SHANK2: variants seen among roughly 807,000 people sequenced by gnomAD.
The protein encoded by SHANK2 is SH3 and multiple ankyrin repeat domains 2, also known as SH3 and multiple ankyrin repeat domains protein 2.
In SHANK2, 43 loss-of-function variants were observed where a neutral mutation model predicts 133.7. The ratio of observed to expected loss-of-function variants is 0.32; its 90% CI spans 0.25 to 0.41. The LOEUF is 0.41. SHANK2 is among the 10% of genes least tolerant of loss of function. The pLI, the probability that SHANK2 is intolerant of heterozygous loss-of-function variation, is 1.00. For synonymous variants in SHANK2, 1,017 were observed against 952.8 expected (o/e 1.07, Z -1.24); for missense variants, 1,994 against 2,235.8 (o/e 0.89, Z 2.18).
At chr11:70,798,368 C>T (rs782119699) in intron 14 of SHANK2, 75 bp downstream of exon 14, 94 of 705,242 alleles carry the variant, frequency 1.3e-4, no homozygotes, top group Middle Eastern at 1.2e-3. Flanking sequence ...CGAATCTTGC[C>T]ACGGACAACA....
chr11:70,747,782 CATGT>C (rs1946671379), intron 14 of SHANK2, among the ~76,000 whole-genome samples: 2 of 152,286 alleles, frequency 1.3e-5, no homozygotes, highest in South Asian at 4.1e-4. Context: ...CCACATGGTA[CATGT>C]ATGTGCAGTG....
Position 70,697,426 on chromosome 11 carries a change from C to T in SHANK2, c.1853+1262G>A, listed in dbSNP as rs532559800. Among the ~76,000 whole-genome samples the T allele has an allele frequency of 3.9e-5, 6 of 152,196 alleles. No homozygotes were observed. The South Asian group carries it at 6.2e-4, about 16-fold the overall frequency. On this transcript the variant is annotated intron_variant, in intron 15 of 25. Coordinates refer to ENST00000601538, the MANE Select transcript of SHANK2 (RefSeq NM_012309.5). ...CACGTAGCGGCTGATTCCATCTACG[C>T]GCAGCACCGAGGCAGGCAGAGCCCA...
chr11:71,102,655 T>C (rs1951734881), intron 6 of SHANK2, among the ~76,000 whole-genome samples: 1 of 152,194 alleles, frequency 6.6e-6, no homozygotes, highest in Admixed American at 6.5e-5. Context: ...AAAGTGGGAA[T>C]GTGAACAGCT....
At chr11:70,815,175 A>AACAC (rs61610592) in intron 12 of SHANK2, among the ~76,000 whole-genome samples, 1,491 of 119,632 alleles carry the variant, frequency 0.012, 20 homozygotes, top group East Asian at 0.021. Context: ...TGGGAGAAGA[A>AACAC]ACACACACAC....
intron 3 of SHANK2, among the ~76,000 whole-genome samples, chr11:71,121,307 A>C (rs1952079432): frequency 6.6e-6 from 1 of 152,220 alleles, no homozygotes; most frequent in Admixed American, 6.5e-5. Context: ...GCCCCTCTAA[A>C]TAAATGTTGA....
At chr11:70,641,411 G>A (rs1023425869) in intron 17 of SHANK2, among the ~76,000 whole-genome samples, 5 of 152,088 alleles carry the variant, frequency 3.3e-5, no homozygotes, top group Admixed American at 1.3e-4. Flanking sequence ...TTTCTTAAAC[G>A]TGCTTTAGCT....
At chr11:71,104,123 GA>G (rs1165956616) in intron 6 of SHANK2, among the ~76,000 whole-genome samples, 12 of 152,178 alleles carry the variant, frequency 7.9e-5, no homozygotes, top group Admixed American at 7.9e-4. Flanking sequence ...ACAGCAATGT[GA>G]AAATGGCCTA....
intron 17 of SHANK2, among the ~76,000 whole-genome samples, chr11:70,584,098 T>C (rs2060218234): frequency 1.3e-5 from 2 of 152,200 alleles, no homozygotes; most frequent in African/African-American, 2.4e-5. Context: ...TGGCTGCCTG[T>C]GACTCGGGTC....
intron 14 of SHANK2, among the ~76,000 whole-genome samples, chr11:70,787,560 TCACCATGACCAC>T (rs1555046952): frequency 1.5e-5 from 2 of 134,248 alleles, no homozygotes; most frequent in African/African-American, 5.7e-5. Context: ...ACCATGACCA[TCACCATGACCAC>T]CACCACCAGC....
chr11:70,661,067 G>A (rs2061480736), intron 16 of SHANK2, among the ~76,000 whole-genome samples: 1 of 152,238 alleles, frequency 6.6e-6, no homozygotes, highest in South Asian at 2.1e-4. Context: ...GTCCACGGCA[G>A]AGGGGACCAT....
At chr11:71,128,861 T>C (rs782711658) in intron 3 of SHANK2, among the ~76,000 whole-genome samples, 8 of 152,206 alleles carry the variant, frequency 5.3e-5, no homozygotes, top group South Asian at 2.1e-4. Flanking sequence ...CTCAGCTCAC[T>C]GCAACCTCCA....
At chr11:70,810,244 G>GCCA (rs1948250505) in intron 12 of SHANK2, among the ~76,000 whole-genome samples, 1 of 152,220 alleles carries the variant, frequency 6.6e-6, no homozygotes, top group Admixed American at 6.5e-5. Flanking sequence ...GCAGCGCTGG[G>GCCA]CCAGGCCCCC....
chr11:70,539,111 C>A (rs1174176543), intron 17 of SHANK2, among the ~76,000 whole-genome samples: 1 of 152,166 alleles, frequency 6.6e-6, no homozygotes, highest in African/African-American at 2.4e-5. Context: ...CACAGAGGAT[C>A]AGGATCAGGA....
intron 17 of SHANK2, among the ~76,000 whole-genome samples, chr11:70,596,500 C>A (rs926168144): frequency 3.9e-4 from 60 of 152,230 alleles, no homozygotes; most frequent in African/African-American, 1.4e-3. Context: ...GGGTCCTGGT[C>A]TGGGACCCAC....
chr11:71,138,790 CAA>C (rs58396625), intron 3 of SHANK2, among the ~76,000 whole-genome samples: 37 of 82,880 alleles, frequency 4.5e-4, no homozygotes, highest in Non-Finnish European at 5.6e-4. Context: ...GACCCTATCT[CAA>C]AAAAAAAAAA....
chr11:70,749,642 A>G (rs1206758890), intron 14 of SHANK2, among the ~76,000 whole-genome samples: 4 of 152,244 alleles, frequency 2.6e-5, no homozygotes, highest in African/African-American at 9.7e-5. Context: ...TTCAACAAGG[A>G]AAGGTAAATG....
At chr11:71,068,359 G>A (rs925490048) in intron 9 of SHANK2, among the ~76,000 whole-genome samples, 11 of 152,208 alleles carry the variant, frequency 7.2e-5, no homozygotes, top group Non-Finnish European at 1.0e-4. Flanking sequence ...CCCAGTGTCT[G>A]TAGCAGAAAA....
At chr11:71,068,851 A>T (rs1951103423) in intron 9 of SHANK2, among the ~76,000 whole-genome samples, 1 of 151,736 alleles carries the variant, frequency 6.6e-6, no homozygotes, top group East Asian at 1.9e-4. Flanking sequence ...CGCTGTCACC[A>T]TGACCACTGT....
intron 11 of SHANK2, among the ~76,000 whole-genome samples, chr11:70,845,198 CAAAAAAAA>C (rs782471301): frequency 1.5e-4 from 8 of 51,694 alleles, no homozygotes; most frequent in African/African-American, 5.0e-4. Flanking sequence ...GACTCTGTCT[CAAAAAAAA>C]AAAAAAAAAA....
Sources: gnomAD v4.1 joint callset for allele counts (sites outside exome capture counted in the v4.1 genomes callset) on GRCh38, gnomAD v4.1.1 for gene constraint, MANE v1.5 for transcripts, NCBI Gene and HGNC (gene_info 2026-07-23, HGNC 2026-07-21) for gene names.